BPTF: variants seen among roughly 807,000 people sequenced by gnomAD.
The protein encoded by BPTF is nucleosome-remodeling factor subunit BPTF.
BPTF carries 18 observed loss-of-function variants against 292.5 expected under a neutral mutation model. That is an observed-to-expected ratio of 0.06 (90% CI 0.04 to 0.09). The LOEUF (loss-of-function observed/expected upper bound fraction) is 0.09, where lower values mean the gene tolerates loss of function less well. BPTF is among the 10% of genes least tolerant of loss of function. The pLI is 1.00. For synonymous variants in BPTF, 1,225 were observed against 1,251.9 expected (o/e 0.98, Z 0.45); for missense variants, 2,726 against 3,498.7 (o/e 0.78, Z 5.57).
chr17:67,889,825 A>C (rs2060993236), intron 4 of BPTF, among the ~76,000 whole-genome samples: 1 of 151,984 alleles, frequency 6.6e-6, no homozygotes, highest in Non-Finnish European at 1.5e-5. Context: ...AAGAAAAAAA[A>C]CCTCCATGAT....
Position 67,945,893 on chromosome 17 carries a change from C to T in BPTF, c.7185C>T (p.Pro2395=). Residue 2395 remains proline, a synonymous_variant, in exon 21 of 28, where the codon CCC becomes CCT. Transcript: ENST00000306378. ...CCCAAGGCCAGCCACAGTCACAACCCCAGGTACAGTCTTCAACTCAAACTC... is the reference window on the plus strand; with the variant it reads ...CCCAAGGCCAGCCACAGTCACAACCTCAGGTACAGTCTTCAACTCAAACTC... ...IPSQGQPQSQ[P]QVQSSTQTLS... is the part of the protein sequence containing the mutation. 6.2e-7 allele frequency: 1 copy of T among 1,614,134 alleles called. No homozygotes were observed. The highest frequency in any genetic ancestry group is 1.1e-5 in the South Asian group (1 of 91,084).
chr17:67,911,804 T>C lies in BPTF; in HGVS notation c.3920T>C (p.Ile1307Thr). The part of the protein sequence containing the change: ...SIQDSSEEDM[I>T]VQNSNESISE... ...CAGGATAGCAGTGAAGAAGATATGA[T>C]TGTTCAGAATAGCAATGAAAGCATT... Residue 1307 changes from isoleucine to threonine, a missense_variant, in exon 11 of 28, where the codon ATT (isoleucine) becomes ACT (threonine). Around this residue, in one of 22 missense-constraint regions of BPTF, gnomAD observed 713 missense variants for 714.9 expected, o/e 1.00. Coordinates refer to ENST00000306378, the MANE Select transcript of BPTF (RefSeq NM_182641.4). 6.2e-7 allele frequency: 1 copy of C among 1,614,216 alleles called. No homozygotes were observed. Among genetic ancestry groups the C allele is most frequent in the Non-Finnish European group, 8.5e-7 (1 of 1,180,032 alleles).
chr17:67,892,972 T>C (rs1458701869), intron 5 of BPTF, among the ~76,000 whole-genome samples: 1 of 152,224 alleles, frequency 6.6e-6, no homozygotes, highest in Non-Finnish European at 1.5e-5. Flanking sequence ...AGGATGTTTT[T>C]AGGAATATAT....
intron 2 of BPTF, among the ~76,000 whole-genome samples, chr17:67,861,866 GC>G (rs952556441): frequency 1.2e-3 from 178 of 152,296 alleles, no homozygotes; most frequent in African/African-American, 4.2e-3. Flanking sequence ...GCCTATTTAT[GC>G]TACTTCCTAG....
chr17:67,829,159 C>T lies in BPTF; in HGVS notation c.613+2822C>T, dbSNP rs1442780468. 2.0e-5 allele frequency among the ~76,000 whole-genome samples: 3 copies of T among 149,256 alleles called. 1 individual carries two copies. Among genetic ancestry groups the T allele is most frequent in the South Asian group, 4.2e-4 (2 of 4,716 alleles). The stretch of plus-strand genomic sequence containing the variant: ...ATTGGTTTTTGATGGACAATTTGAT[C>T]AGTGAATGTTTTTTTTTTTTTCTGT... On this transcript the variant is annotated intron_variant, in intron 1 of 27. Coordinates refer to ENST00000306378, the MANE Select transcript of BPTF (RefSeq NM_182641.4).
chr17:67,924,849 T>C (rs2063740003), intron 15 of BPTF, among the ~76,000 whole-genome samples: 1 of 152,026 alleles, frequency 6.6e-6, no homozygotes, highest in Non-Finnish European at 1.5e-5. Context: ...TCGACATCCC[T>C]GGTTCAAGCG....
chr17:67,928,506 C>G lies in BPTF; in HGVS notation c.5903C>G (p.Thr1968Ser). ...VTTGTKMVLT[T>S]KVGSPATVTF... ...ACTGGAACCAAAATGGTACTAACTA[C>G]TAAAGTTGGATCTCCAGCTACAGTA... The change falls in exon 16 of 28, where the codon ACT becomes AGT. Residue 1968 changes from threonine (T) to serine (S), a missense_variant. Physicochemically the swap from Thr to Ser is moderately conservative, Grantham distance 58 (BLOSUM62 1). Around this residue, in one of 22 missense-constraint regions of BPTF, gnomAD observed 198 missense variants for 277.1 expected, o/e 0.71. Coordinates refer to ENST00000306378, the MANE Select transcript of BPTF (RefSeq NM_182641.4). 12 of 1,614,126 alleles carry G rather than the reference C, an allele frequency of 7.4e-6. No individual in the cohort carries two copies. The highest frequency in any genetic ancestry group is 1.0e-5 in the Non-Finnish European group (12 of 1,180,014).
chr17:67,850,190 A>G (rs2058306536), intron 1 of BPTF, among the ~76,000 whole-genome samples: 1 of 152,244 alleles, frequency 6.6e-6, no homozygotes, highest in African/African-American at 2.4e-5. Flanking sequence ...ATAGCTTATT[A>G]TATGCTAGCC....
rs550170604 is a variant in BPTF, at chr17:67,983,529, T to C, written c.*1241T>C. ...GTTGATTGGGTTTGTTTTCTGTTTG[T>C]TGGTTTGTTTGTTTCTTCCACGTAA... On this transcript the variant is annotated 3_prime_UTR_variant, in exon 28 of 28. Transcript: ENST00000306378. The C allele has an allele frequency of 1.3e-3, 199 of 152,754 alleles. 1 individual carries two copies. The highest frequency in any genetic ancestry group is 1.5e-3 in the Non-Finnish European group (103 of 68,036). 9.5% of individuals were successfully genotyped at this position (152,754 alleles called of 1,614,324 possible).
intron 14 of BPTF, among the ~76,000 whole-genome samples, chr17:67,924,128 A>G (rs1218433360): frequency 1.3e-5 from 2 of 152,118 alleles, no homozygotes; most frequent in Non-Finnish European, 2.9e-5. Context: ...GCAGGTGGCC[A>G]CCACCATGCC....
intron 1 of BPTF, among the ~76,000 whole-genome samples, chr17:67,836,664 T>G (rs1387598008): frequency 6.6e-6 from 1 of 152,190 alleles, no homozygotes; most frequent in Non-Finnish European, 1.5e-5. Flanking sequence ...GACAAATCCT[T>G]AACAATATCG....
intron 15 of BPTF, among the ~76,000 whole-genome samples, chr17:67,927,239 G>A (rs2063994565): frequency 6.6e-6 from 1 of 152,140 alleles, no homozygotes; most frequent in Non-Finnish European, 1.5e-5. Context: ...CATCTTATAA[G>A]ATAATGAAGG....
chr17:67,880,276 C>G (rs1417794876), intron 4 of BPTF, among the ~76,000 whole-genome samples: 1 of 151,982 alleles, frequency 6.6e-6, no homozygotes, highest in Non-Finnish European at 1.5e-5. Flanking sequence ...TGTTTTTCTC[C>G]AAATTAATTT....
rs1555674208 is a variant in BPTF at position 67,945,557 on chromosome 17, C to T, written c.6849C>T (p.Thr2283=). ...CTTCAGCTCAGCCCCAGCCCCAAACCCAGCCCCAGTCCCCAGCTCAGCCTG... is the reference window on the plus strand; with the variant it reads ...CTTCAGCTCAGCCCCAGCCCCAAACTCAGCCCCAGTCCCCAGCTCAGCCTG... The part of the protein sequence containing the change: ...AQPSAQPQPQ[T]QPQSPAQPEV... The change falls in exon 21 of 28, where the codon ACC becomes ACT. Residue 2283 remains threonine, a synonymous_variant. Transcript: ENST00000306378. The T allele has an allele frequency of 5.0e-6, 8 of 1,611,474 alleles. No homozygotes were observed. The East Asian group carries it at 1.8e-4, about 36-fold the overall frequency.
chr17:67,840,992 T>C (rs1042687126), intron 1 of BPTF, among the ~76,000 whole-genome samples: 13 of 152,222 alleles, frequency 8.5e-5, no homozygotes, highest in African/African-American at 2.9e-4. Context: ...AGTGTCTTTT[T>C]CCCAGAGCAT....
At chr17:67,889,500 C>T (rs1279371478) in intron 4 of BPTF, among the ~76,000 whole-genome samples, 1 of 152,106 alleles carries the variant, frequency 6.6e-6, no homozygotes, top group Non-Finnish European at 1.5e-5. Context: ...AGTTCAACAT[C>T]TTGGCATAAA....
intron 24 of BPTF, among the ~76,000 whole-genome samples, chr17:67,960,851 A>T (rs1328318615): frequency 2.0e-5 from 3 of 152,248 alleles, no homozygotes; most frequent in Admixed American, 2.0e-4. Flanking sequence ...TATCTAAATG[A>T]TAATCTGTTT....
intron 10 of BPTF, among the ~76,000 whole-genome samples, chr17:67,910,032 C>G (rs1297443244): frequency 6.6e-6 from 1 of 152,142 alleles, no homozygotes; most frequent in Non-Finnish European, 1.5e-5. Context: ...ACTTCCCAAC[C>G]CCTCCCGAAA....
intron 1 of BPTF, among the ~76,000 whole-genome samples, chr17:67,847,512 TAA>T (rs762923694): frequency 8.9e-5 from 12 of 135,444 alleles, no homozygotes; most frequent in Admixed American, 1.5e-4. Flanking sequence ...AGACTCCGTC[TAA>T]AAAAAAAAAA....
Sources: allele counts gnomAD v4.1 joint callset (sites outside exome capture counted in the v4.1 genomes callset), GRCh38; gene constraint gnomAD v4.1.1; regional missense constraint gnomAD v4.1.1; transcripts MANE v1.5; gene names NCBI Gene and HGNC (gene_info 2026-07-23, HGNC 2026-07-21).